Variants in TRAIP observed in about 807,000 individuals in gnomAD.
The protein encoded by TRAIP is E3 ubiquitin-protein ligase TRAIP.
In TRAIP, 37 loss-of-function variants were observed where a neutral mutation model predicts 65.0. The ratio of observed to expected loss-of-function variants is 0.57; its 90% confidence interval spans 0.44 to 0.75. The LOEUF (loss-of-function observed/expected upper bound fraction) is 0.75, where lower values mean the gene tolerates loss of function less well. Ranked by LOEUF, TRAIP falls within the 30% of genes least tolerant of loss-of-function variation. The pLI is 0.00. For missense variants in TRAIP, 481 were observed against 579.4 expected, an observed-to-expected ratio of 0.83 and a Z score of 1.74; for synonymous variants, 187 against 219.1, an observed-to-expected ratio of 0.85 and a Z score of 1.29.
chr3:49,843,875 C>G lies in TRAIP; in HGVS notation c.334G>C (p.Glu112Gln). The part of the protein sequence containing the change: ...VIIDTLRDTL[E>Q]ERNATVVSLQ... ...GATACCACAGTAGCATTGCGTTCTT[C>G]CAGCGTATCCCGCAGAGTGTCGATG... Residue 112 changes from glutamate (E) to glutamine (Q), a missense_variant, in exon 5 of 15, where the codon GAA becomes CAA. Coordinates refer to ENST00000331456, the MANE Select transcript of TRAIP (RefSeq NM_005879.3). The G allele has an allele frequency of 1.2e-6, 2 of 1,613,820 alleles. No individual in the cohort carries two copies. The highest frequency in any genetic ancestry group is 1.7e-6 in the Non-Finnish European group (2 of 1,179,702).
chr3:49,844,478 GC>G, intron 4 of TRAIP, 62 bp downstream of exon 4: 3 of 1,585,878 alleles, frequency 1.9e-6, no homozygotes, highest in South Asian at 1.1e-5. Flanking sequence ...TCCTCCTAGG[GC>G]CCCCTTCCTC....
rs2081740727 is a variant in TRAIP, at chr3:49,832,263, C to T, written c.885-195G>A. ...ATCCCAGCACTTTGGGAGGCCAAGG[C>T]GGGTGGATCAAGCGGTCAAGAGATC... On this transcript the variant is annotated intron_variant, in intron 10 of 14. Transcript: ENST00000331456. Among the ~76,000 whole-genome samples, 12 of 152,164 alleles carry T rather than the reference C, an allele frequency of 7.9e-5. No homozygotes were observed. The South Asian group carries it at 2.5e-3, about 32-fold the overall frequency.
In TRAIP at chr3:49,840,993, T is replaced by C; in HGVS notation, c.697A>G (p.Arg233Gly). The change falls in exon 8 of 15, where the codon AGA becomes GGA. Residue 233 changes from arginine (R) to glycine (G), a missense_variant. Transcript: ENST00000331456. ...DKLRKDLFSS[R>G]SKLQTVYSEL... ...GTTCACTGCTAAGTTACCTTGCTTC[T>C]GGAGGAAAACAAATCCTTCCTCAGC... 1 of 1,614,176 alleles carries C rather than the reference T, an allele frequency of 6.2e-7. No homozygotes were observed.
rs188094440 is a variant in TRAIP at position 49,844,655 on chromosome 3, G to A, written c.241-75C>T. The stretch of plus-strand genomic sequence containing the variant: ...TCCACGTGGTCTCCCATAAGGCTGT[G>A]GGGAGCCCCAGGATTGAACAATGAG... On this transcript the variant is annotated intron_variant, in intron 3 of 14. Transcript: ENST00000331456. The A allele has an allele frequency of 1.7e-5, 26 of 1,570,646 alleles. No homozygotes were observed. In the East Asian group the frequency reaches 4.7e-4, roughly 28 times the overall value.
At chr3:49,847,363 C>A (rs550835687) in intron 3 of TRAIP, among the ~76,000 whole-genome samples, 162 bp downstream of exon 3, 2 of 145,496 alleles carry the variant, frequency 1.4e-5, no homozygotes, top group Admixed American at 7.0e-5. Flanking sequence ...GTGTGGGCAA[C>A]AAAGTAAGAC....
chr3:49,851,804 C>T (rs574411529), intron 1 of TRAIP, among the ~76,000 whole-genome samples: 1 of 151,656 alleles, frequency 6.6e-6, no homozygotes. Flanking sequence ...TCAAGCGATT[C>T]TCCTGCCTCA....
chr3:49,842,613 G>A, intron 5 of TRAIP, 66 bp from the exon 6 acceptor site: 1 of 1,446,130 alleles, frequency 6.9e-7, no homozygotes, highest in South Asian at 1.1e-5. Context: ...AAAGTCACTA[G>A]GAAAACTCTG....
chr3:49,842,581 G>A, intron 5 of TRAIP, 34 bp from the exon 6 acceptor site: 1 of 1,594,108 alleles, frequency 6.3e-7, no homozygotes, highest in South Asian at 1.1e-5. Flanking sequence ...CTGATGCTTG[G>A]AGGCCCTCAG....
chr3:49,836,572 C>T (rs970937717), intron 10 of TRAIP, among the ~76,000 whole-genome samples: 3 of 152,070 alleles, frequency 2.0e-5, no homozygotes, highest in African/African-American at 7.2e-5. Flanking sequence ...TGGCTCACGC[C>T]TGTAACCCAG....
intron 10 of TRAIP, among the ~76,000 whole-genome samples, 199 bp downstream of exon 10, chr3:49,839,563 CCTCTGGCCTT>C (rs2081819241): frequency 6.6e-6 from 1 of 152,250 alleles, no homozygotes; most frequent in Non-Finnish European, 1.5e-5. Flanking sequence ...ACTTCTAGGT[CCTCTGGCCTT>C]CTCTGGCCTC....
chr3:49,835,135 G>T (rs549204166), intron 10 of TRAIP, among the ~76,000 whole-genome samples: 2 of 152,192 alleles, frequency 1.3e-5, no homozygotes, highest in Admixed American at 1.3e-4. Flanking sequence ...TTGAACCCAG[G>T]GGGTGGAGGT....
chr3:49,841,816 C>T lies in TRAIP; in HGVS notation c.617+10G>A. The T allele has an allele frequency of 1.2e-6, 2 of 1,610,302 alleles. No homozygotes were observed. Among genetic ancestry groups the T allele is most frequent in the Non-Finnish European group, 1.7e-6 (2 of 1,176,546 alleles). On this transcript the variant is annotated intron_variant, in intron 7 of 14. Transcript: ENST00000331456. ...CTCCTGTGTTTGCTGAGAGGGGCCA[C>T]AGTACGCACTTCTTGAGAGACACAC...
At position 49,829,651 on chromosome 3, in the gene TRAIP, C is replaced by T; in HGVS notation, c.1202G>A (p.Arg401Lys). 6.2e-7 allele frequency: 1 copy of T among 1,614,190 alleles called. No homozygotes were observed. The highest frequency in any genetic ancestry group is 8.5e-7 in the Non-Finnish European group (1 of 1,180,024). Residue 401 changes from arginine to lysine, a missense_variant, in exon 13 of 15, where the codon AGG becomes AAG. Physicochemically the swap from Arg to Lys is conservative, Grantham distance 26 (BLOSUM62 2). Transcript: ENST00000331456. ...NAILGQKQPK[R>K]PRSESSCSKD... ...GCTGCAAGAGGACTCTGACCTGGGC[C>T]TCTTGGGCTGTTTCTGGCCTAGGAT...
At chr3:49,847,400 G>T (rs569071811) in intron 3 of TRAIP, 125 bp downstream of exon 3, 2 of 705,934 alleles carry the variant, frequency 2.8e-6, no homozygotes, top group South Asian at 1.8e-5. Context: ...GAAAAGAAAA[G>T]AAAAGAAAAG....
Position 49,843,864 on chromosome 3 carries a change from A to G in TRAIP, c.345T>C (p.Asn115=), listed in dbSNP as rs758078842. ...DTLRDTLEER[N]ATVVSLQQAL... ...CCTGCTGCAGAGATACCACAGTAGC[A>G]TTGCGTTCTTCCAGCGTATCCCGCA... Residue 115 remains asparagine, a synonymous_variant, in exon 5 of 15, where the codon AAT becomes AAC. Coordinates refer to ENST00000331456, the MANE Select transcript of TRAIP (RefSeq NM_005879.3). 22 of 1,613,776 alleles carry G rather than the reference A, an allele frequency of 1.4e-5. No individual in the cohort carries two copies. The Admixed American group carries it at 3.7e-4, about 27-fold the overall frequency.
At chr3:49,848,970 C>T (rs1209557735) in intron 1 of TRAIP, among the ~76,000 whole-genome samples, 2 of 151,980 alleles carry the variant, frequency 1.3e-5, no homozygotes, top group African/African-American at 4.8e-5. Flanking sequence ...CCTCAGCCTC[C>T]CAGGTAGCTG....
At chr3:49,849,285 T>C (rs1482176214) in intron 1 of TRAIP, among the ~76,000 whole-genome samples, 2 of 151,674 alleles carry the variant, frequency 1.3e-5, no homozygotes, top group African/African-American at 4.8e-5. Context: ...GCTGGAACTA[T>C]TGGTATAAGC....
intron 4 of TRAIP, 75 bp from the exon 5 acceptor site, chr3:49,844,003 T>C: frequency 6.5e-7 from 1 of 1,531,376 alleles, no homozygotes; most frequent in Non-Finnish European, 8.9e-7. Flanking sequence ...GGCCCTTGGA[T>C]TCAGTGCCTC....
intron 8 of TRAIP, 109 bp downstream of exon 8, chr3:49,840,876 C>T (rs2081833313): frequency 4.9e-6 from 5 of 1,012,986 alleles, no homozygotes; most frequent in African/African-American, 1.6e-5. Context: ...CCAGCTGCCC[C>T]AGGGAGTCAG....
Sources: allele counts gnomAD v4.1 joint callset (sites outside exome capture counted in the v4.1 genomes callset), GRCh38; gene constraint gnomAD v4.1.1; transcripts MANE v1.5; gene names NCBI Gene and HGNC (gene_info 2026-07-23, HGNC 2026-07-21).